LITAF: variants seen among roughly 807,000 people sequenced by gnomAD.
LITAF encodes the protein lipopolysaccharide induced TNF factor.
A neutral mutation model predicts 14.5 loss-of-function variants in LITAF; 9 were observed. The observed-to-expected ratio is 0.62, with a 90% CI of 0.37 to 1.08. The LOEUF (loss-of-function observed/expected upper bound fraction) is 1.08. Ranked by LOEUF, LITAF falls within the 50% of genes least tolerant of loss-of-function variation. The pLI is 0.01. For synonymous variants in LITAF, 98 were observed against 88.2 expected, an observed-to-expected ratio of 1.11 and a Z score of -0.62; for missense variants, 206 against 213.4, an observed-to-expected ratio of 0.97 and a Z score of 0.22.
At chr16:11,577,820 G>A (rs1210264475) in intron 1 of LITAF, among the ~76,000 whole-genome samples, 5 of 152,076 alleles carry the variant, frequency 3.3e-5, no homozygotes, top group Non-Finnish European at 7.4e-5. Flanking sequence ...AGCCTCCTGG[G>A]CTCAAGCGAT....
In LITAF at chr16:11,617,018, G is replaced by C. The variant is rs185352214; in HGVS notation, c.85+16515C>G. ...GCAGATCACCTGAGGTCAGGAGTTCGAGACCAGCCTGGTCAACATGGTGAA... is the reference window on the plus strand; with the variant it reads ...GCAGATCACCTGAGGTCAGGAGTTCCAGACCAGCCTGGTCAACATGGTGAA... On this transcript the variant is annotated intron_variant, in intron 3 of 3. Transcript: ENST00000574848. Among the ~76,000 whole-genome samples the C allele has an allele frequency of 1.1e-4, 16 of 151,256 alleles. No homozygotes were observed. In the East Asian group the frequency reaches 2.0e-3, roughly 19 times the overall value.
At chr16:11,637,895 AAACTAT>A (rs2065144361), upstream of LITAF, among the ~76,000 whole-genome samples, 1 of 84,898 alleles carries the variant, frequency 1.2e-5, no homozygotes, top group African/African-American at 7.5e-5. Context: ...AAAAAAAAAA[AAACTAT>A]ATATATATAT....
upstream of LITAF, among the ~76,000 whole-genome samples, chr16:11,640,137 CTCTGCCAGGGCTGGG>C (rs998829314): frequency 6.6e-6 from 1 of 152,178 alleles, no homozygotes; most frequent in Admixed American, 6.6e-5. Context: ...GGGAGGTCCA[CTCTGCCAGGGCTGGG>C]TCCTTATTAG....
chr16:11,563,034 C>A (rs1006932273), intron 1 of LITAF, among the ~76,000 whole-genome samples: 1 of 151,012 alleles, frequency 6.6e-6, no homozygotes, highest in Non-Finnish European at 1.5e-5. Flanking sequence ...AAGCTGAGGT[C>A]GGAGGATTTG....
Position 11,586,601 on chromosome 16 carries a change from G to A in LITAF, c.-6+285C>T, listed in dbSNP as rs1413824642. Among the ~76,000 whole-genome samples the A allele has an allele frequency of 2.6e-5, 4 of 151,946 alleles. 1 individual carries two copies. The East Asian group carries it at 5.8e-4, about 22-fold the overall frequency. ...GCGAAGGGCGCTCGTTCGGGTGGGGGCCGGACGACCCCGCCACGCGCGATC... is the reference window on the plus strand; with the variant it reads ...GCGAAGGGCGCTCGTTCGGGTGGGGACCGGACGACCCCGCCACGCGCGATC... On this transcript the variant is annotated intron_variant, in intron 1 of 3. Coordinates refer to ENST00000622633, the MANE Select transcript of LITAF (RefSeq NM_001136472.2). This position sits in a 1 kb window ranked among gnomAD's most constrained non-coding sequence, Gnocchi z 6.5.
At chr16:11,588,820 T>TCCTTTCTGTCTCTCCCTCCCTC (rs1271323217), upstream of LITAF, among the ~76,000 whole-genome samples, 1 of 152,018 alleles carries the variant, frequency 6.6e-6, no homozygotes, top group East Asian at 1.9e-4. Context: ...CTTCCTTCCT[T>TCCTTTCTGTCTCTCCCTCCCTC]CCTTTCTGTC....
At chr16:11,600,603 T>C (rs1242353493), upstream of LITAF, among the ~76,000 whole-genome samples, 2 of 152,190 alleles carry the variant, frequency 1.3e-5, no homozygotes, top group Admixed American at 6.5e-5. The surrounding 1 kb of genome is among the most constrained non-coding windows in gnomAD (Gnocchi z 4.1). Context: ...CTATTTGACA[T>C]ATACCTACCT....
At chr16:11,608,568 C>T (rs113036536) in intron 3 of LITAF, among the ~76,000 whole-genome samples, 326 of 152,332 alleles carry the variant, frequency 2.1e-3, no homozygotes, top group African/African-American at 7.4e-3. Context: ...ATCCATACAA[C>T]GGAGCATTAT....
intron 1 of LITAF, among the ~76,000 whole-genome samples, chr16:11,563,491 A>G (rs978933411): frequency 1.3e-5 from 2 of 151,980 alleles, no homozygotes; most frequent in Non-Finnish European, 2.9e-5. Context: ...AGGAAAATAC[A>G]CCCTCAGTGG....
At chr16:11,607,354 C>T (rs1174931579) in intron 3 of LITAF, among the ~76,000 whole-genome samples, 1 of 152,158 alleles carries the variant, frequency 6.6e-6, no homozygotes, top group East Asian at 1.9e-4. Context: ...TGTATAAGGG[C>T]CTGTAGGAGA....
At chr16:11,628,703 GTC>G (rs2065100075) in intron 3 of LITAF, among the ~76,000 whole-genome samples, 1 of 151,048 alleles carries the variant, frequency 6.6e-6, no homozygotes, top group Admixed American at 6.6e-5. Context: ...TTGAAACTGA[GTC>G]TTGCTCTGTC....
intron 1 of LITAF, among the ~76,000 whole-genome samples, chr16:11,560,815 G>A (rs943792297): frequency 6.6e-6 from 1 of 152,162 alleles, no homozygotes; most frequent in Non-Finnish European, 1.5e-5. Flanking sequence ...TAATGAGATC[G>A]CAGGAGGTGT....
At position 11,605,232 on chromosome 16, in the gene LITAF, G is replaced by A. The variant is rs78518306; in HGVS notation, c.85+28301C>T. 0.022 allele frequency among the ~76,000 whole-genome samples: 3,395 copies of A among 152,272 alleles called. 97 individuals carry two copies. Among genetic ancestry groups the A allele is most frequent in the East Asian group, 0.14 (712 of 5,176 alleles). On this transcript the variant is annotated intron_variant, in intron 3 of 3. Transcript: ENST00000574848. The surrounding 1 kb of genome is among the most constrained non-coding windows in gnomAD (Gnocchi z 4.7). ...TGGAGGATGAGCTGAATTACGCACC[G>A]TGGACTTCACCAGTGGGGCTGTGAC...
intron 1 of LITAF, among the ~76,000 whole-genome samples, chr16:11,596,177 T>C (rs745924467): frequency 6.6e-6 from 1 of 152,032 alleles, no homozygotes; most frequent in Non-Finnish European, 1.5e-5. Context: ...TGGCTAGGCC[T>C]CAGTCTTCAC....
chr16:11,568,137 A>G (rs1302279107), intron 1 of LITAF, among the ~76,000 whole-genome samples: 1 of 151,896 alleles, frequency 6.6e-6, no homozygotes, highest in Non-Finnish European at 1.5e-5. Flanking sequence ...AAAAGACAAA[A>G]ATTAGCCAGG....
chr16:11,557,875 C>A (rs562014623), intron 1 of LITAF, among the ~76,000 whole-genome samples: 1 of 152,340 alleles, frequency 6.6e-6, no homozygotes, highest in South Asian at 2.1e-4. Flanking sequence ...TTCCCTCCAG[C>A]CCTGGCAGAG....
At chr16:11,554,263 A>C (rs954833503) in intron 2 of LITAF, among the ~76,000 whole-genome samples, 1 of 152,026 alleles carries the variant, frequency 6.6e-6, no homozygotes, top group African/African-American at 2.4e-5. Context: ...AACCAGCCTC[A>C]CACTGTGCCT....
At chr16:11,579,814 T>C (rs975233097) in intron 1 of LITAF, among the ~76,000 whole-genome samples, 1 of 152,202 alleles carries the variant, frequency 6.6e-6, no homozygotes, top group African/African-American at 2.4e-5. Context: ...ATCCCACTTA[T>C]AAATGAGTCA....
chr16:11,588,115 C>A (rs2064825951), upstream of LITAF, among the ~76,000 whole-genome samples: 1 of 152,120 alleles, frequency 6.6e-6, no homozygotes, highest in Non-Finnish European at 1.5e-5. Flanking sequence ...GACGAGTTAC[C>A]AAGTTGGAAG....
Sources: allele counts gnomAD v4.1 joint callset (sites outside exome capture counted in the v4.1 genomes callset), GRCh38; gene constraint gnomAD v4.1.1; non-coding constraint Gnocchi (gnomAD v3.1); transcripts MANE v1.5; gene names NCBI Gene and HGNC (gene_info 2026-07-23, HGNC 2026-07-21).